NOTCH1: variants seen among roughly 807,000 people sequenced by gnomAD.
NOTCH1 encodes neurogenic locus notch homolog protein 1.
NOTCH1 carries 37 observed loss-of-function variants against 254.8 expected under a neutral mutation model. The ratio of observed to expected loss-of-function variants is 0.15; its 90% confidence interval spans 0.11 to 0.19. The LOEUF is 0.19. Ranked by LOEUF, NOTCH1 falls within the 10% of genes least tolerant of loss-of-function variation. The probability of loss-of-function intolerance (pLI) is 1.00; values close to 1 mark genes in which losing one functional copy is unlikely to be tolerated. For missense variants in NOTCH1, 2,972 were observed against 3,708.6 expected (o/e 0.80, Z 5.16); for synonymous variants, 1,731 against 1,618.1 (o/e 1.07, Z -1.68).
At chr9:136,537,497 T>C (rs1843673632) in intron 2 of NOTCH1, among the ~76,000 whole-genome samples, 1 of 152,180 alleles carries the variant, frequency 6.6e-6, no homozygotes, top group Non-Finnish European at 1.5e-5. Flanking sequence ...CAGTTTCTGT[T>C]TTGTGCAGTG....
chr9:136,528,534 G>A (rs1356898588), intron 2 of NOTCH1, among the ~76,000 whole-genome samples: 1 of 146,940 alleles, frequency 6.8e-6, no homozygotes, highest in Non-Finnish European at 1.5e-5. Context: ...GACAGTGGAG[G>A]GACGGGCAGG....
At chr9:136,500,505 G>T (rs1280283711) in intron 31 of NOTCH1, 47 bp downstream of exon 31, 2 of 1,600,440 alleles carry the variant, frequency 1.2e-6, no homozygotes, top group East Asian at 4.5e-5. Flanking sequence ...CAGACCACCA[G>T]GCGGCCCTGA....
Position 136,500,609 on chromosome 9 carries a change from G to A in NOTCH1, c.5877C>T (p.Asn1959=), listed in dbSNP as rs2133325697. ...CCGCATGCAGCGGGGTGCGGCCCAT[G>A]TTGTCCTGGATGTTGGCATCTGCGC... ...EASADANIQD[N]MGRTPLHAAV... Residue 1959 remains asparagine, a synonymous_variant, in exon 31 of 34, where the codon AAC becomes AAT. Transcript: ENST00000651671. 6.2e-7 allele frequency: 1 copy of A among 1,612,160 alleles called. No homozygotes were observed. The highest frequency in any genetic ancestry group is 8.5e-7 in the Non-Finnish European group (1 of 1,179,890).
In NOTCH1 at chr9:136,503,286, G is replaced by A. The variant is rs2133333571; in HGVS notation, c.5063C>T (p.Ala1688Val). ...LEIDNRQCVQASSQCFQSATD... is the reference protein window; with the variant it reads ...LEIDNRQCVQVSSQCFQSATD... ...GGCACTCTGGAAGCACTGCGAGGAG[G>A]CCTGCACACACTGCCGGTTGTCAAT... The change falls in exon 27 of 34, where the codon GCC becomes GTC. Residue 1688 changes from alanine to valine, a missense_variant. By Grantham distance (64) the Ala-to-Val change is moderately conservative. This residue lies in a region of NOTCH1 where 421 missense variants were observed against 604.4 expected (regional missense o/e 0.70). Transcript: ENST00000651671. 6.2e-7 allele frequency: 1 copy of A among 1,613,016 alleles called. No individual in the cohort carries two copies. The highest frequency in any genetic ancestry group is 2.2e-5 in the East Asian group (1 of 44,888).
At position 136,545,414 on chromosome 9, in the gene NOTCH1, G is replaced by A. The variant is rs1843800518; in HGVS notation, c.61+312C>T. Among the ~76,000 whole-genome samples the A allele has an allele frequency of 6.6e-6, 1 of 151,782 alleles. No individual in the cohort carries two copies. The highest frequency in any genetic ancestry group is 2.1e-4 in the South Asian group (1 of 4,822). On this transcript the variant is annotated intron_variant, in intron 1 of 33. Coordinates refer to ENST00000651671, the MANE Select transcript of NOTCH1 (RefSeq NM_017617.5). This position sits in a 1 kb window ranked among gnomAD's most constrained non-coding sequence, Gnocchi z 6.8. ...AGCCCGCCCGCCCGGCCGACCGGCG[G>A]CAAGCCCCACGCGCGGCGGGTGAAG...
At chr9:136,541,312 C>T (rs990206919) in intron 2 of NOTCH1, among the ~76,000 whole-genome samples, 5 of 152,176 alleles carry the variant, frequency 3.3e-5, no homozygotes, top group African/African-American at 7.2e-5. Flanking sequence ...TGGCAGCTTC[C>T]GGTGAAGGTT....
In NOTCH1 at chr9:136,523,005, T is replaced by C. The variant is rs1157720260; in HGVS notation, c.587A>G (p.His196Arg). ...PGLCRHGGTC[H>R]NEVGSYRCVC... Reference sequence around the variant, plus strand: ...GCAGCGGTAGGAGCCGACCTCGTTGTGGCAGGTGCCTCCGTGGCGGCAAAG... The same window carrying C: ...GCAGCGGTAGGAGCCGACCTCGTTGCGGCAGGTGCCTCCGTGGCGGCAAAG... Residue 196 changes from histidine (H) to arginine (R), a missense_variant, in exon 4 of 34, where the codon CAC becomes CGC. Coordinates refer to ENST00000651671, the MANE Select transcript of NOTCH1 (RefSeq NM_017617.5). The C allele has an allele frequency of 1.3e-6, 2 of 1,552,686 alleles. No individual in the cohort carries two copies. The highest frequency in any genetic ancestry group is 3.9e-5 in the Admixed American group (2 of 51,272).
At chr9:136,502,881 G>GC (rs1564189314) in intron 27 of NOTCH1, 1 of 613,732 alleles carries the variant, frequency 1.6e-6, no homozygotes, top group African/African-American at 1.8e-5. Flanking sequence ...TTTAAAAAAA[G>GC]CCGTAATGAT....
At position 136,509,749 on chromosome 9, in the gene NOTCH1, G is replaced by T; in HGVS notation, c.2953C>A (p.Pro985Thr). ...CCCGCACACCTCTCTGTGCAGTCAGGCGTGTTGTTCTCACAGTGGATCCCG... is the reference window on the plus strand; with the variant it reads ...CCCGCACACCTCTCTGTGCAGTCAGTCGTGTTGTTCTCACAGTGGATCCCG... ...FSGIHCENNT[P>T]DCTESSCFNG... The change falls in exon 18 of 34, where the codon CCT becomes ACT. Residue 985 changes from proline (P) to threonine (T), a missense_variant. By Grantham distance (38) the Pro-to-Thr change is conservative (BLOSUM62 -1). Coordinates refer to ENST00000651671, the MANE Select transcript of NOTCH1 (RefSeq NM_017617.5). The T allele has an allele frequency of 6.2e-7, 1 of 1,612,918 alleles. No individual in the cohort carries two copies. The highest frequency in any genetic ancestry group is 8.5e-7 in the Non-Finnish European group (1 of 1,179,932).
chr9:136,517,942 C>A lies in NOTCH1; in HGVS notation c.1256-5G>T, dbSNP rs773981257. On this transcript the variant is annotated splice_polypyrimidine_tract_variant and splice_region_variant and intron_variant, in intron 7 of 33. Transcript: ENST00000651671. The stretch of plus-strand genomic sequence containing the variant: ...CATGCTCGCAGGGGTTGGCACCTGG[C>A]GAGGGCACACGGGTGAGAGGCTGCT... 6.2e-7 allele frequency: 1 copy of A among 1,608,420 alleles called. No individual in the cohort carries two copies. The highest frequency in any genetic ancestry group is 8.5e-7 in the Non-Finnish European group (1 of 1,179,852).
intron 2 of NOTCH1, among the ~76,000 whole-genome samples, chr9:136,524,394 G>A (rs1843425737): frequency 6.6e-6 from 1 of 152,208 alleles, no homozygotes; most frequent in Admixed American, 6.5e-5. Flanking sequence ...GGACTCCACA[G>A]CCCGGGCAGG....
intron 2 of NOTCH1, among the ~76,000 whole-genome samples, chr9:136,527,289 C>T (rs1843478144): frequency 6.6e-6 from 1 of 152,252 alleles, no homozygotes; most frequent in East Asian, 1.9e-4. Flanking sequence ...TGCAGCATGG[C>T]CATGGCCAGG....
At position 136,513,370 on chromosome 9, in the gene NOTCH1, G is replaced by A. The variant is rs747868094; in HGVS notation, c.2353+22C>T. ...AGACTCGAGGGCGGCCCTCTGCACT[G>A]AGAAACGCGCAGCCCACTCACCGCT... is the stretch of plus-strand genomic sequence containing the variant. On this transcript the variant is annotated intron_variant, in intron 14 of 33. Transcript: ENST00000651671. This position sits in a 1 kb window ranked among gnomAD's most constrained non-coding sequence, Gnocchi z 4.7. 1.1e-5 allele frequency: 18 copies of A among 1,612,536 alleles called. No individual in the cohort carries two copies. Among genetic ancestry groups the A allele is most frequent in the Non-Finnish European group, 1.4e-5 (17 of 1,180,000 alleles).
In NOTCH1 at chr9:136,495,058, C is replaced by T. The variant is rs542536478; in HGVS notation, c.*1013G>A. The stretch of plus-strand genomic sequence containing the variant: ...GGAGCCCACGGGGGGTCGGGTCCCG[C>T]GAGCTGGGGCCCAGGCTGTGTTGCT... On this transcript the variant is annotated 3_prime_UTR_variant, in exon 34 of 34. Coordinates refer to ENST00000651671, the MANE Select transcript of NOTCH1 (RefSeq NM_017617.5). The T allele has an allele frequency of 1.8e-5, 7 of 399,050 alleles. No individual in the cohort carries two copies. Among genetic ancestry groups the T allele is most frequent in the African/African-American group, 4.1e-5 (2 of 48,752 alleles). 24.7% of individuals were successfully genotyped at this position (399,050 alleles called of 1,614,324 possible).
At position 136,505,595 on chromosome 9, in the gene NOTCH1, C is replaced by A. The variant is rs2133339877; in HGVS notation, c.4301G>T (p.Gly1434Val). 1 of 1,610,914 alleles carries A rather than the reference C, an allele frequency of 6.2e-7. No individual in the cohort carries two copies. The highest frequency in any genetic ancestry group is 8.5e-7 in the Non-Finnish European group (1 of 1,179,000). The part of the protein sequence containing the change: ...LCHILDYSFG[G>V]GAGRDIPPPL... ...CGGGGGGATGTCGCGCCCGGCCCCA[C>A]CCCCGAAGCTGTAGTCCAGGATGTG... The change falls in exon 25 of 34, where the codon GGT becomes GTT. Residue 1434 changes from glycine (G) to valine (V), a missense_variant. Gly to Val is a moderately radical substitution (Grantham distance 109). Coordinates refer to ENST00000651671, the MANE Select transcript of NOTCH1 (RefSeq NM_017617.5).
rs199860726 is a variant in NOTCH1 at position 136,504,982 on chromosome 9, G to A, written c.4709C>T (p.Ala1570Val). ...CACCACCACCACCAGCGTGCCGGCC[G>A]CCAGCCTCTCGGGTACATGCTCCGC... ...DCAEHVPERL[A>V]AGTLVVVVLM... Residue 1570 changes from alanine (A) to valine (V), a missense_variant, in exon 26 of 34, where the codon GCG (alanine) becomes GTG (valine). By Grantham distance (64) the Ala-to-Val change is moderately conservative. This residue lies in a region of NOTCH1 where 1,343 missense variants were observed against 1,557.0 expected (regional missense o/e 0.86). Coordinates refer to ENST00000651671, the MANE Select transcript of NOTCH1 (RefSeq NM_017617.5). 10 of 1,589,600 alleles carry A rather than the reference G, an allele frequency of 6.3e-6. No homozygotes were observed. In the African/African-American group the frequency reaches 8.1e-5, roughly 13 times the overall value.
chr9:136,518,122 T>C lies in NOTCH1; in HGVS notation c.1255+15A>G. The C allele has an allele frequency of 1.3e-6, 2 of 1,577,672 alleles. No individual in the cohort carries two copies. Among genetic ancestry groups the C allele is most frequent in the Non-Finnish European group, 1.7e-6 (2 of 1,163,844 alleles). On this transcript the variant is annotated intron_variant, in intron 7 of 33. Coordinates refer to ENST00000651671, the MANE Select transcript of NOTCH1 (RefSeq NM_017617.5). ...GCCACCCCCACCTGGCCGCACCCCCTGTGCTGGCACCTACCCAGCGAGCAC... is the reference window on the plus strand; with the variant it reads ...GCCACCCCCACCTGGCCGCACCCCCCGTGCTGGCACCTACCCAGCGAGCAC...
rs1195173675 is a variant in NOTCH1, at chr9:136,503,235, G to A, written c.5114C>T (p.Ala1705Val). The A allele has an allele frequency of 1.9e-6, 3 of 1,612,802 alleles. No homozygotes were observed. The highest frequency in any genetic ancestry group is 1.7e-6 in the Non-Finnish European group (2 of 1,179,950). The change falls in exon 27 of 34, where the codon GCG (alanine) becomes GTG (valine). Residue 1705 changes from alanine (A) to valine (V), a missense_variant. This residue lies in a region of NOTCH1 where 421 missense variants were observed against 604.4 expected (regional missense o/e 0.70). Transcript: ENST00000651671. ...GTTGAGGCTGCCCAGCGAGGCGAGC[G>A]CTCCCAGGAATGCGGCCACGTCGGT... is the stretch of plus-strand genomic sequence containing the variant. ...SATDVAAFLG[A>V]LASLGSLNIP...
rs1426618790 is a variant in NOTCH1 at position 136,496,620 on chromosome 9, C to T, written c.7119G>A (p.Leu2373=). The part of the protein sequence containing the change: ...MSYQGLPSTR[L]ATQPHLVQTQ... ...TCTGCACCAGGTGAGGCTGGGTGGC[C>T]AGCCGGGTGCTGGGCAGGCCCTGGT... Residue 2373 remains leucine (L), a synonymous_variant, in exon 34 of 34, where the codon CTG becomes CTA. Coordinates refer to ENST00000651671, the MANE Select transcript of NOTCH1 (RefSeq NM_017617.5). 1 of 1,613,068 alleles carries T rather than the reference C, an allele frequency of 6.2e-7. No individual in the cohort carries two copies. The highest frequency in any genetic ancestry group is 8.5e-7 in the Non-Finnish European group (1 of 1,179,980).
Sources: allele counts gnomAD v4.1 joint callset (sites outside exome capture counted in the v4.1 genomes callset), GRCh38; gene constraint gnomAD v4.1.1; regional missense constraint gnomAD v4.1.1; non-coding constraint Gnocchi (gnomAD v3.1); transcripts MANE v1.5; gene names NCBI Gene and HGNC (gene_info 2026-07-23, HGNC 2026-07-21).